The following FSHR variants were observed in gnomAD, a reference collection of about 807,000 sequenced individuals.
FSHR encodes the protein follicle-stimulating hormone receptor.
FSHR carries 46 observed loss-of-function variants against 52.1 expected under a neutral mutation model. The observed-to-expected ratio is 0.88, with a 90% CI of 0.70 to 1.13. FSHR has a LOEUF of 1.13. Ranked by LOEUF, FSHR falls within the 50% of genes most tolerant of loss-of-function variation. FSHR has a pLI of 0.00. For missense variants in FSHR, 964 were observed against 834.6 expected, an observed-to-expected ratio of 1.16 and a Z score of -1.91; for synonymous variants, 399 against 309.6, an observed-to-expected ratio of 1.29 and a Z score of -3.03.
intron 1 of FSHR, among the ~76,000 whole-genome samples, chr2:49,102,301 G>C (rs772707780): frequency 2.0e-5 from 3 of 152,034 alleles, no homozygotes; most frequent in Admixed American, 6.6e-5. Context: ...GGAAGGTGTG[G>C]GGGCAGCACA....
At chr2:49,074,896 G>A (rs904408522) in intron 1 of FSHR, among the ~76,000 whole-genome samples, 2 of 152,060 alleles carry the variant, frequency 1.3e-5, no homozygotes, top group Non-Finnish European at 2.9e-5. Flanking sequence ...CAACATGGGT[G>A]GAATTGGAGG....
chr2:49,026,313 C>T (rs549568665), intron 2 of FSHR, among the ~76,000 whole-genome samples: 2 of 152,160 alleles, frequency 1.3e-5, no homozygotes, highest in South Asian at 2.1e-4. Flanking sequence ...CCCTTGTTTC[C>T]CTCAGTAGAT....
At chr2:49,061,663 ATATT>A (rs914106610) in intron 2 of FSHR, among the ~76,000 whole-genome samples, 2 of 143,548 alleles carry the variant, frequency 1.4e-5, no homozygotes, top group African/African-American at 2.5e-5. Flanking sequence ...ATATAACTAT[ATATT>A]TATAACTATA....
intron 1 of FSHR, among the ~76,000 whole-genome samples, chr2:49,144,642 T>C (rs939796370): frequency 2.0e-5 from 3 of 152,182 alleles, no homozygotes; most frequent in African/African-American, 7.2e-5. Flanking sequence ...TCCTCTCCAA[T>C]GTATTTACTT....
chr2:49,023,139 C>T (rs1667796743), intron 2 of FSHR, among the ~76,000 whole-genome samples: 1 of 152,176 alleles, frequency 6.6e-6, no homozygotes. Flanking sequence ...GAAAAATCTG[C>T]ATTCCCTCTG....
At chr2:49,135,951 TG>T (rs1182305186) in intron 1 of FSHR, among the ~76,000 whole-genome samples, 3 of 152,020 alleles carry the variant, frequency 2.0e-5, no homozygotes, top group Admixed American at 6.6e-5. Flanking sequence ...GGGGTTGTCT[TG>T]GGGGGCTGGC....
At chr2:49,111,592 G>C (rs1671423275) in intron 1 of FSHR, among the ~76,000 whole-genome samples, 1 of 152,132 alleles carries the variant, frequency 6.6e-6, no homozygotes, top group Non-Finnish European at 1.5e-5. Flanking sequence ...TGTCTGAACA[G>C]TCTGCACAGT....
chr2:49,017,774 AC>A, intron 3 of FSHR, among the ~76,000 whole-genome samples: 1 of 152,234 alleles, frequency 6.6e-6, no homozygotes, highest in East Asian at 1.9e-4. Context: ...CTAAATATTA[AC>A]CCTGTCTCCC....
At chr2:49,053,295 A>G (rs889428691) in intron 2 of FSHR, among the ~76,000 whole-genome samples, 3 of 152,150 alleles carry the variant, frequency 2.0e-5, no homozygotes, top group Non-Finnish European at 4.4e-5. Context: ...ATTTCCAAAG[A>G]TATTTTGTTA....
chr2:49,016,606 A>G (rs1354814173), intron 4 of FSHR, among the ~76,000 whole-genome samples: 1 of 152,170 alleles, frequency 6.6e-6, no homozygotes, highest in Non-Finnish European at 1.5e-5. Flanking sequence ...AGATGTATAA[A>G]TGAACTTAGC....
intron 1 of FSHR, among the ~76,000 whole-genome samples, chr2:49,079,096 AC>A (rs1031482967): frequency 8.6e-5 from 13 of 151,822 alleles, no homozygotes; most frequent in Admixed American, 3.9e-4. Context: ...GACAAAAATA[AC>A]CCCCCCATAT....
chr2:49,066,893 G>C (rs912476120), intron 2 of FSHR, among the ~76,000 whole-genome samples: 1 of 152,066 alleles, frequency 6.6e-6, no homozygotes, highest in African/African-American at 2.4e-5. Flanking sequence ...GTTAGCTCCA[G>C]GCAAGGGAAT....
At chr2:49,026,655 A>T (rs886701205) in intron 2 of FSHR, among the ~76,000 whole-genome samples, 1 of 152,228 alleles carries the variant, frequency 6.6e-6, no homozygotes, top group Non-Finnish European at 1.5e-5. Flanking sequence ...ATACGCATGA[A>T]AAGTTGCGAG....
intron 4 of FSHR, among the ~76,000 whole-genome samples, chr2:49,008,281 G>GT (rs1337639560): frequency 2.2e-5 from 3 of 133,860 alleles, no homozygotes; most frequent in Non-Finnish European, 4.8e-5. Context: ...GCGGTGTTTG[G>GT]TTTTTTGTTC....
intron 1 of FSHR, among the ~76,000 whole-genome samples, chr2:49,098,220 A>G (rs748233766): frequency 3.3e-5 from 5 of 152,200 alleles, no homozygotes; most frequent in African/African-American, 4.8e-5. Flanking sequence ...TCTGGCAAGT[A>G]CTAAAATACA....
chr2:49,034,545 G>A (rs1166715620), intron 2 of FSHR, among the ~76,000 whole-genome samples: 1 of 152,138 alleles, frequency 6.6e-6, no homozygotes, highest in African/African-American at 2.4e-5. Context: ...AGTGTAAAGT[G>A]AGTAAAAAAC....
intron 2 of FSHR, among the ~76,000 whole-genome samples, chr2:49,031,207 G>C (rs1572656770): frequency 6.6e-6 from 1 of 152,194 alleles, no homozygotes; most frequent in Non-Finnish European, 1.5e-5. Flanking sequence ...GGAGGGAGAA[G>C]AGAAACCAGA....
chr2:49,112,367 A>G (rs1350051985), intron 1 of FSHR, among the ~76,000 whole-genome samples: 1 of 152,172 alleles, frequency 6.6e-6, no homozygotes, highest in Non-Finnish European at 1.5e-5. Context: ...ATGAAACAAT[A>G]ATGTCTAGGA....
Position 48,979,592 on chromosome 2 carries a change from G to A in FSHR, c.668+3320C>T, listed in dbSNP as rs1315291094. 3.9e-5 allele frequency among the ~76,000 whole-genome samples: 6 copies of A among 152,264 alleles called. No individual in the cohort carries two copies. In the East Asian group the frequency reaches 9.7e-4, roughly 25 times the overall value. On this transcript the variant is annotated intron_variant, in intron 8 of 9. Coordinates refer to ENST00000406846, the MANE Select transcript of FSHR (RefSeq NM_000145.4). Reference sequence around the variant, plus strand: ...GGAGTTTGGTTCCTCCCCAGGGACAGCCTGCACCCAATAATTCTTGATATG... The same window carrying A: ...GGAGTTTGGTTCCTCCCCAGGGACAACCTGCACCCAATAATTCTTGATATG...
Sources: allele counts gnomAD v4.1 joint callset (sites outside exome capture counted in the v4.1 genomes callset), GRCh38; gene constraint gnomAD v4.1.1; transcripts MANE v1.5; gene names NCBI Gene and HGNC (gene_info 2026-07-23, HGNC 2026-07-21).